Variants in CAPN14 observed in about 807,000 individuals in gnomAD.
CAPN14 encodes the protein calpain-14.
In CAPN14, 94 loss-of-function variants were observed where a neutral mutation model predicts 101.3. That is an observed-to-expected ratio of 0.93 (90% CI 0.79 to 1.10). CAPN14 has a LOEUF of 1.10. Among genes scored for constraint, CAPN14 ranks in the 50% least tolerant of loss-of-function variants. The pLI is 0.00. For synonymous variants in CAPN14, 338 were observed against 317.9 expected (o/e 1.06, Z -0.67); for missense variants, 837 against 828.4 (o/e 1.01, Z -0.13).
rs1368825688 is a variant in CAPN14, at chr2:31,173,839, A to G, written c.*842T>C. 2 of 152,204 alleles carry G rather than the reference A, an allele frequency of 1.3e-5. No individual in the cohort carries two copies. Among genetic ancestry groups the G allele is most frequent in the African/African-American group, 4.8e-5 (2 of 41,440 alleles). 9.4% of individuals were successfully genotyped at this position (152,204 alleles called of 1,614,324 possible). A position where few individuals can be genotyped will look rare whatever the true frequency, so the allele number is the denominator to read the frequency against. ...AAACAAGGTGTTTCATGGTAGTTCA[A>G]AAAATCAGATATACCAACCACCCAC... On this transcript the variant is annotated 3_prime_UTR_variant, in exon 22 of 22. Transcript: ENST00000403897.
chr2:31,212,262 A>G (rs1682437517), intron 1 of CAPN14, among the ~76,000 whole-genome samples: 1 of 151,088 alleles, frequency 6.6e-6, no homozygotes, highest in Non-Finnish European at 1.5e-5. Flanking sequence ...GTGAGCTGAG[A>G]TCCCACCACT....
chr2:31,207,563 T>C (rs965804401), intron 1 of CAPN14, among the ~76,000 whole-genome samples: 2 of 152,234 alleles, frequency 1.3e-5, no homozygotes, highest in Admixed American at 1.3e-4. Flanking sequence ...AGCCCAGAAG[T>C]TCGATACCAG....
At chr2:31,177,279 C>T in intron 19 of CAPN14, 137 bp from the exon 20 acceptor site, 1 of 605,094 alleles carries the variant, frequency 1.7e-6, no homozygotes, top group Non-Finnish European at 3.0e-6. Context: ...TTATAGGGTT[C>T]ATTTTGAATG....
chr2:31,216,174 C>T (rs919809618), intron 1 of CAPN14, among the ~76,000 whole-genome samples: 1 of 152,168 alleles, frequency 6.6e-6, no homozygotes, highest in Non-Finnish European at 1.5e-5. Context: ...AATCCAGACA[C>T]AAAAACTCTT....
chr2:31,231,743 G>A (rs13425772), intron 1 of CAPN14, among the ~76,000 whole-genome samples: 12,724 of 152,026 alleles, frequency 0.084, 583 homozygotes, highest in South Asian at 0.1. Flanking sequence ...TTCCTGTCAC[G>A]CTGGCCATAC....
chr2:31,224,979 G>A (rs1412628081), intron 2 of CAPN14, among the ~76,000 whole-genome samples: 1 of 151,952 alleles, frequency 6.6e-6, no homozygotes, highest in Admixed American at 6.6e-5. Flanking sequence ...CTGATTAAGA[G>A]ATCCCAATGA....
chr2:31,177,092 C>A lies in CAPN14; in HGVS notation c.1906G>T (p.Gly636Cys). 1 of 1,551,438 alleles carries A rather than the reference C, an allele frequency of 6.4e-7. No individual in the cohort carries two copies. The highest frequency in any genetic ancestry group is 8.7e-7 in the Non-Finnish European group (1 of 1,146,826). The change falls in exon 20 of 22, where the codon GGC becomes TGC. Residue 636 changes from glycine (G) to cysteine (C), a missense_variant. Physicochemically the swap from Gly to Cys is radical, Grantham distance 159. Transcript: ENST00000403897. The stretch of plus-strand genomic sequence containing the variant: ...ACAAAGTCCATCTGGAGGCGGGGGC[C>A]GCCGTAGCGGATGAGCATCAGCTGA... Reference protein sequence around the residue: ...VCQLMLIRYGGPRLQMDFVSF... With the variant: ...VCQLMLIRYGCPRLQMDFVSF...
At chr2:31,175,257 G>A (rs1341865715) in intron 21 of CAPN14, among the ~76,000 whole-genome samples, 1 of 152,180 alleles carries the variant, frequency 6.6e-6, no homozygotes, top group Non-Finnish European at 1.5e-5. Flanking sequence ...CAGACCTTGG[G>A]TGGTCCTGAT....
intron 21 of CAPN14, 95 bp downstream of exon 21, chr2:31,176,492 T>G (rs7570373): frequency 0.27 from 230,175 of 858,004 alleles, 35,325 homozygotes; most frequent in African/African-American, 0.56. Context: ...CAGAATAAAG[T>G]GTCCCCAGAG....
Position 31,208,804 on chromosome 2 carries a change from G to C in CAPN14, c.-52-3305C>G, listed in dbSNP as rs577082359. 1.2e-4 allele frequency among the ~76,000 whole-genome samples: 19 copies of C among 152,276 alleles called. No individual in the cohort carries two copies. The South Asian group carries it at 3.9e-3, about 32-fold the overall frequency. On this transcript the variant is annotated intron_variant, in intron 1 of 21. Coordinates refer to ENST00000403897, the MANE Select transcript of CAPN14 (RefSeq NM_001145122.2). ...TGACTATTGTAAGTGAGCAGCGTTGGAGCAGGTCCACAAAATAAGACTATG... is the reference window on the plus strand; with the variant it reads ...TGACTATTGTAAGTGAGCAGCGTTGCAGCAGGTCCACAAAATAAGACTATG...
intron 9 of CAPN14, among the ~76,000 whole-genome samples, chr2:31,193,971 G>A (rs1354487886): frequency 1.3e-5 from 2 of 152,086 alleles, no homozygotes; most frequent in Admixed American, 6.5e-5. Flanking sequence ...ATGTCTTGGT[G>A]GCCTTTCAAA....
At chr2:31,188,221 A>G (rs1245543777) in intron 14 of CAPN14, 97 bp downstream of exon 14, 6 of 1,060,934 alleles carry the variant, frequency 5.7e-6, no homozygotes, top group African/African-American at 3.2e-5. Flanking sequence ...AAGGATCCGC[A>G]TATCTCCTCC....
At chr2:31,189,749 T>C in intron 12 of CAPN14, 1 of 535,970 alleles carries the variant, frequency 1.9e-6, no homozygotes, top group Admixed American at 2.2e-5. Context: ...CACTAAATGA[T>C]GTGAGGAATG....
rs913588610 is a variant in CAPN14, at chr2:31,217,246, A to G, written c.-53+210T>C. ...GATTGGGGCCAAAGGGCTGAAGTCTATTCCTCAAGGTCACACTAATAAGTG... is the reference window on the plus strand; with the variant it reads ...GATTGGGGCCAAAGGGCTGAAGTCTGTTCCTCAAGGTCACACTAATAAGTG... On this transcript the variant is annotated intron_variant, in intron 1 of 21. Coordinates refer to ENST00000403897, the MANE Select transcript of CAPN14 (RefSeq NM_001145122.2). 2.0e-5 allele frequency among the ~76,000 whole-genome samples: 3 copies of G among 152,202 alleles called. 1 individual carries two copies. The highest frequency in any genetic ancestry group is 6.5e-5 in the Admixed American group (1 of 15,278).
chr2:31,223,918 A>G (rs2148707514), intron 2 of CAPN14, among the ~76,000 whole-genome samples: 1 of 152,284 alleles, frequency 6.6e-6, no homozygotes, highest in African/African-American at 2.4e-5. Flanking sequence ...TACTTAGCAT[A>G]ACACCTGACA....
At chr2:31,200,387 G>A in intron 6 of CAPN14, 64 bp downstream of exon 6, 1 of 1,418,226 alleles carries the variant, frequency 7.1e-7, no homozygotes, top group Non-Finnish European at 9.6e-7. Flanking sequence ...GAGGGTAGTG[G>A]TGGTGGATGG....
chr2:31,201,742 G>T, intron 5 of CAPN14, 120 bp downstream of exon 5: 2 of 1,285,432 alleles, frequency 1.6e-6, no homozygotes, highest in South Asian at 1.5e-5. Flanking sequence ...CTTCTATGTT[G>T]GCTAAGACAT....
upstream of CAPN14, among the ~76,000 whole-genome samples, chr2:31,221,431 C>T (rs929292120): frequency 1.3e-5 from 2 of 152,164 alleles, no homozygotes; most frequent in African/African-American, 4.8e-5. Context: ...CAAATCAATA[C>T]ACTACTAAGG....
chr2:31,193,385 C>T (rs1681307549), intron 9 of CAPN14, 91 bp from the exon 10 acceptor site: 2 of 1,262,258 alleles, frequency 1.6e-6, no homozygotes, highest in African/African-American at 3.0e-5. Flanking sequence ...GAGCAGTGGG[C>T]ATCCCAGCCC....
Sources: allele counts gnomAD v4.1 joint callset (sites outside exome capture counted in the v4.1 genomes callset), GRCh38; gene constraint gnomAD v4.1.1; transcripts MANE v1.5; gene names NCBI Gene and HGNC (gene_info 2026-07-23, HGNC 2026-07-21).